The following MTAP variants were observed in gnomAD, a reference collection of about 807,000 sequenced individuals.
MTAP encodes the protein methylthioadenosine phosphorylase, also known as S-methyl-5'-thioadenosine phosphorylase.
In MTAP, 33 loss-of-function variants were observed where a neutral mutation model predicts 33.6. The observed-to-expected ratio is 0.98, with a 90% CI of 0.74 to 1.31. The LOEUF is 1.31. Among genes scored for constraint, MTAP ranks in the 40% most tolerant of loss-of-function variants. The pLI is 0.00. For synonymous variants in MTAP, 148 were observed against 125.7 expected (o/e 1.18, Z -1.19); for missense variants, 367 against 360.0 (o/e 1.02, Z -0.16).
At chr9:21,911,065 C>T (rs1818568458) in intron 1 of MTAP, among the ~76,000 whole-genome samples, 1 of 152,138 alleles carries the variant, frequency 6.6e-6, no homozygotes, top group African/African-American at 2.4e-5. Context: ...GGGATCAATT[C>T]AACAAGAAGA....
chr9:21,856,328 C>T, intron 6 of MTAP: 1 of 247,548 alleles, frequency 4.0e-6, no homozygotes, highest in Non-Finnish European at 6.4e-6. Context: ...AACACAGGTT[C>T]TTTGTTTTTC....
rs1825842863 is a variant in MTAP, at chr9:21,865,720, A to G, written c.*3706A>G. ...GCTGTTTCAGGGCCTGTTGCCAGCTATGCCTTTGAGAACCTCGGGATCCCA... is the reference window on the plus strand; with the variant it reads ...GCTGTTTCAGGGCCTGTTGCCAGCTGTGCCTTTGAGAACCTCGGGATCCCA... On this transcript the variant is annotated 3_prime_UTR_variant, in exon 8 of 8. Coordinates refer to ENST00000644715, the MANE Select transcript of MTAP (RefSeq NM_002451.4). The G allele has an allele frequency of 9.6e-7, 1 of 1,038,954 alleles. No homozygotes were observed. Among genetic ancestry groups the G allele is most frequent in the East Asian group, 8.1e-5 (1 of 12,386 alleles). 64.4% of individuals were successfully genotyped at this position (1,038,954 alleles called of 1,614,324 possible).
chr9:21,889,231 A>T (rs576371937), intron 1 of MTAP, among the ~76,000 whole-genome samples: 38 of 152,112 alleles, frequency 2.5e-4, no homozygotes, highest in Non-Finnish European at 4.1e-4. Flanking sequence ...CTTGTCCTCA[A>T]GCTCTGCAGT....
At chr9:21,808,242 A>G (rs1050019288) in intron 1 of MTAP, among the ~76,000 whole-genome samples, 36 of 152,272 alleles carry the variant, frequency 2.4e-4, no homozygotes, top group Admixed American at 2.0e-3. Context: ...TTAGTGTTAT[A>G]GTTTCCTGTT....
intron 5 of MTAP, among the ~76,000 whole-genome samples, chr9:21,840,544 T>TA (rs1825217932): frequency 6.6e-6 from 1 of 152,160 alleles, no homozygotes; most frequent in Non-Finnish European, 1.5e-5. Flanking sequence ...TTTAGGGGGT[T>TA]ATGTGAAATA....
intron 1 of MTAP, among the ~76,000 whole-genome samples, chr9:21,882,307 A>G (rs1818028935): frequency 6.6e-6 from 1 of 151,976 alleles, no homozygotes; most frequent in Admixed American, 6.6e-5. Flanking sequence ...CTGTTGCTAA[A>G]CTGTGTACTT....
chr9:21,864,860 T>A lies in MTAP; in HGVS notation c.*2846T>A. ...CTCCTGGAGCCTCTTCTCTGGCTGC[T>A]ACCTCAGGGCATGGTTGTGGCCCCA... On this transcript the variant is annotated 3_prime_UTR_variant, in exon 8 of 8. Transcript: ENST00000644715. 1.0e-6 allele frequency: 1 copy of A among 985,492 alleles called. No homozygotes were observed. Among genetic ancestry groups the A allele is most frequent in the South Asian group, 4.7e-5 (1 of 21,290 alleles). The allele number at this position is 985,492 out of a possible 1,614,324, so 61.0% of individuals were successfully genotyped here.
At chr9:21,843,384 G>A (rs1825300302) in intron 5 of MTAP, among the ~76,000 whole-genome samples, 1 of 152,016 alleles carries the variant, frequency 6.6e-6, no homozygotes, top group Non-Finnish European at 1.5e-5. Flanking sequence ...AGGAAACAAT[G>A]GACTTAAACT....
At chr9:21,879,500 T>TA (rs552787613) in intron 1 of MTAP, among the ~76,000 whole-genome samples, 7 of 152,108 alleles carry the variant, frequency 4.6e-5, no homozygotes, top group Non-Finnish European at 8.8e-5. Flanking sequence ...TTGTTTTTTT[T>TA]ATCCAGCTTG....
At chr9:21,885,502 A>G (rs1205902672) in intron 1 of MTAP, among the ~76,000 whole-genome samples, 7 of 151,934 alleles carry the variant, frequency 4.6e-5, no homozygotes, top group African/African-American at 1.5e-4. Context: ...GTTGATTTCC[A>G]AAATTTTGGT....
At chr9:21,857,691 C>T (rs1825671163) in intron 6 of MTAP, among the ~76,000 whole-genome samples, 1 of 152,208 alleles carries the variant, frequency 6.6e-6, no homozygotes. Flanking sequence ...TTACTCCCAT[C>T]AATAATTTTA....
intron 1 of MTAP, among the ~76,000 whole-genome samples, chr9:21,881,421 A>T (rs1339821531): frequency 6.6e-6 from 1 of 152,118 alleles, no homozygotes; most frequent in Non-Finnish European, 1.5e-5. Context: ...GAACTAGATC[A>T]AACTTTAAAA....
At chr9:21,895,772 G>T (rs909503480) in intron 1 of MTAP, among the ~76,000 whole-genome samples, 4 of 152,212 alleles carry the variant, frequency 2.6e-5, no homozygotes, top group African/African-American at 9.6e-5. Context: ...AGGGGTGTCT[G>T]CCATTGCTGA....
intron 4 of MTAP, among the ~76,000 whole-genome samples, chr9:21,829,454 C>A (rs1373963506): frequency 6.7e-6 from 1 of 149,870 alleles, no homozygotes. Context: ...TTGAGACAGT[C>A]CCACTCTGTT....
At chr9:21,870,394 C>A (rs1825919352), downstream of MTAP, among the ~76,000 whole-genome samples, 1 of 152,140 alleles carries the variant, frequency 6.6e-6, no homozygotes, top group East Asian at 1.9e-4. Flanking sequence ...CCTAAATGAC[C>A]AGACTAGTGC....
chr9:21,824,346 T>C (rs1465896668), intron 4 of MTAP, among the ~76,000 whole-genome samples: 1 of 152,198 alleles, frequency 6.6e-6, no homozygotes, highest in Non-Finnish European at 1.5e-5. Flanking sequence ...TGCAGGTCTG[T>C]TGGAGTTTGC....
chr9:21,894,516 A>G (rs1358435569), intron 1 of MTAP, among the ~76,000 whole-genome samples: 1 of 148,334 alleles, frequency 6.7e-6, no homozygotes, highest in Non-Finnish European at 1.5e-5. Context: ...TGAACACTGC[A>G]TGTTCTCACT....
chr9:21,858,363 G>T (rs576366514), intron 6 of MTAP, among the ~76,000 whole-genome samples: 45 of 152,210 alleles, frequency 3.0e-4, no homozygotes, highest in Non-Finnish European at 3.4e-4. Context: ...CCTAAAACTG[G>T]GTAATTTATA....
chr9:21,820,910 G>A (rs1164724381), intron 4 of MTAP, among the ~76,000 whole-genome samples: 1 of 152,192 alleles, frequency 6.6e-6, no homozygotes, highest in Non-Finnish European at 1.5e-5. Flanking sequence ...GTTCACTCAA[G>A]ATTTGGCTCT....
Sources: gnomAD v4.1 joint callset for allele counts (sites outside exome capture counted in the v4.1 genomes callset) on GRCh38, gnomAD v4.1.1 for gene constraint, MANE v1.5 for transcripts, NCBI Gene and HGNC (gene_info 2026-07-23, HGNC 2026-07-21) for gene names.